Variants in FCHSD2 observed in about 807,000 individuals in gnomAD.
FCHSD2 encodes FCH and double SH3 domains 2.
Under a neutral mutation model 108.1 loss-of-function variants are expected in FCHSD2, and 38 were observed. The observed-to-expected ratio is 0.35, with a 90% CI of 0.27 to 0.46. The LOEUF (loss-of-function observed/expected upper bound fraction) is 0.46. Ranked by LOEUF, FCHSD2 falls within the 20% of genes least tolerant of loss-of-function variation. FCHSD2 has a pLI of 1.00. For synonymous variants in FCHSD2, 279 were observed against 314.7 expected (o/e 0.89, Z 1.20); for missense variants, 751 against 897.8 (o/e 0.84, Z 2.09).
intron 8 of FCHSD2, among the ~76,000 whole-genome samples, chr11:72,944,845 G>A (rs1591422661): frequency 2.0e-5 from 3 of 152,276 alleles, no homozygotes; most frequent in African/African-American, 7.2e-5. Flanking sequence ...ACTTACAAGG[G>A]ATGTGAAGGA....
At chr11:72,967,923 C>T (rs1363694317) in intron 8 of FCHSD2, among the ~76,000 whole-genome samples, 3 of 151,940 alleles carry the variant, frequency 2.0e-5, no homozygotes, top group South Asian at 4.2e-4. Context: ...ATCCCCATCT[C>T]TACTAACAAT....
intron 2 of FCHSD2, among the ~76,000 whole-genome samples, chr11:73,128,333 C>T (rs374051654): frequency 6.6e-6 from 1 of 152,002 alleles, no homozygotes; most frequent in East Asian, 1.9e-4. Flanking sequence ...GAAATGGGTC[C>T]CTGCAGCAAA....
At chr11:72,887,672 T>G in intron 11 of FCHSD2, 98 bp from the exon 12 acceptor site, 3 of 692,440 alleles carry the variant, frequency 4.3e-6, no homozygotes, top group Admixed American at 6.6e-5. Context: ...CTTTAGTGAC[T>G]AGTAGCCATA....
chr11:72,987,589 T>C (rs1334469084), intron 6 of FCHSD2, among the ~76,000 whole-genome samples: 9 of 152,236 alleles, frequency 5.9e-5, no homozygotes. Context: ...TTAATATGTC[T>C]AGCTTGCTGT....
At chr11:73,082,976 C>G (rs1859731899) in intron 3 of FCHSD2, among the ~76,000 whole-genome samples, 1 of 152,132 alleles carries the variant, frequency 6.6e-6, no homozygotes, top group African/African-American at 2.4e-5. Flanking sequence ...GGAAATGCTT[C>G]AATTTCCCTA....
In FCHSD2 at chr11:72,840,876, C is replaced by T; in HGVS notation, c.2139+1G>A. The T allele has an allele frequency of 1.9e-6, 3 of 1,602,694 alleles. No individual in the cohort carries two copies. Among genetic ancestry groups the T allele is most frequent in the Non-Finnish European group, 2.6e-6 (3 of 1,169,712 alleles). ...ATAATCCTGCAAGATCAGAGACTTA[C>T]AGGTCGCAGTTTGCCATATGAGGTC... On this transcript the variant is annotated splice_donor_variant, in intron 19 of 19. Transcript: ENST00000409418. LOFTEE classifies it high-confidence loss of function.
At chr11:72,999,031 A>C (rs534349038) in intron 5 of FCHSD2, among the ~76,000 whole-genome samples, 1 of 152,242 alleles carries the variant, frequency 6.6e-6, no homozygotes, top group Non-Finnish European at 1.5e-5. Context: ...AAGCAGAGCT[A>C]ATGGATGGAA....
chr11:73,111,901 C>T (rs1252074105), intron 2 of FCHSD2, among the ~76,000 whole-genome samples: 1 of 152,002 alleles, frequency 6.6e-6, no homozygotes, highest in Non-Finnish European at 1.5e-5. Flanking sequence ...TAACTTTGTC[C>T]CCCTATTTTT....
At chr11:72,926,769 G>T (rs1044359164) in intron 8 of FCHSD2, among the ~76,000 whole-genome samples, 8 of 152,064 alleles carry the variant, frequency 5.3e-5, no homozygotes, top group African/African-American at 1.9e-4. Context: ...AGAAAAACTG[G>T]CACCCCAGAG....
At chr11:73,063,382 A>T (rs1276305548) in intron 3 of FCHSD2, among the ~76,000 whole-genome samples, 1 of 152,232 alleles carries the variant, frequency 6.6e-6, no homozygotes, top group East Asian at 1.9e-4. Context: ...TGCATCAACT[A>T]ATGGTCAAAA....
At chr11:72,958,278 A>G (rs900169656) in intron 8 of FCHSD2, among the ~76,000 whole-genome samples, 2 of 152,094 alleles carry the variant, frequency 1.3e-5, no homozygotes, top group Non-Finnish European at 2.9e-5. Context: ...AGCACTTTGG[A>G]AGGCTGAGGC....
chr11:73,039,285 A>G (rs1858573166), intron 3 of FCHSD2, among the ~76,000 whole-genome samples: 1 of 152,132 alleles, frequency 6.6e-6, no homozygotes, highest in African/African-American at 2.4e-5. Flanking sequence ...TGGGAAGCAG[A>G]GGTGGGCGGA....
rs749471907 is a variant in FCHSD2 at position 72,867,929 on chromosome 11, T to C, written c.1244A>G (p.Glu415Gly). 6.2e-7 allele frequency: 1 copy of C among 1,609,832 alleles called. No homozygotes were observed. The highest frequency in any genetic ancestry group is 8.5e-7 in the Non-Finnish European group (1 of 1,178,260). The change falls in exon 13 of 20, where the codon GAA becomes GGA. Residue 415 changes from glutamate (E) to glycine (G), a missense_variant. Physicochemically the swap from Glu to Gly is moderately conservative, Grantham distance 98. Transcript: ENST00000409418. The stretch of plus-strand genomic sequence containing the variant: ...GGCCCATCGCTCATTTTCCAGTTCT[T>C]CCATTACTTGGTTCATGGCACTCTT... ...WLKSAMNQVM[E>G]ELENERWARP...
intron 8 of FCHSD2, among the ~76,000 whole-genome samples, chr11:72,968,289 G>T (rs1214487707): frequency 2.0e-5 from 3 of 152,182 alleles, no homozygotes; most frequent in Non-Finnish European, 4.4e-5. Context: ...CTGTCCTTAA[G>T]ACTGATAGAT....
intron 2 of FCHSD2, among the ~76,000 whole-genome samples, chr11:73,093,950 C>G (rs1860017111): frequency 6.6e-6 from 1 of 151,282 alleles, no homozygotes; most frequent in African/African-American, 2.4e-5. Context: ...GTGGCTCATG[C>G]CTGTAATCCC....
chr11:72,898,410 T>C (rs936350184), intron 10 of FCHSD2, among the ~76,000 whole-genome samples: 3 of 152,250 alleles, frequency 2.0e-5, no homozygotes, highest in Non-Finnish European at 4.4e-5. Flanking sequence ...TATATGTAAG[T>C]GTCTGCTTAG....
chr11:72,963,152 T>C (rs547214419), intron 8 of FCHSD2, among the ~76,000 whole-genome samples: 197 of 152,306 alleles, frequency 1.3e-3, no homozygotes, highest in African/African-American at 4.1e-3. Context: ...TAAAAAAATA[T>C]TGTCTTTGTT....
At chr11:72,993,519 A>G (rs558729368) in intron 5 of FCHSD2, among the ~76,000 whole-genome samples, 5 of 152,328 alleles carry the variant, frequency 3.3e-5, no homozygotes, top group African/African-American at 1.2e-4. Context: ...CAAATGTCCA[A>G]CAATGATAGA....
intron 2 of FCHSD2, among the ~76,000 whole-genome samples, chr11:73,129,404 A>T (rs1860940163): frequency 6.6e-6 from 1 of 152,186 alleles, no homozygotes; most frequent in African/African-American, 2.4e-5. Context: ...CCGCCCCCGC[A>T]TTGCTCACAT....
Sources: gnomAD v4.1 joint callset for allele counts (sites outside exome capture counted in the v4.1 genomes callset) on GRCh38, gnomAD v4.1.1 for gene constraint, MANE v1.5 for transcripts, NCBI Gene and HGNC (gene_info 2026-07-23, HGNC 2026-07-21) for gene names.